SCFD2: variants seen among roughly 807,000 people sequenced by gnomAD.
The protein encoded by SCFD2 is sec1 family domain containing 2, also known as sec1 family domain-containing protein 2.
In SCFD2, 54 loss-of-function variants were observed where a neutral mutation model predicts 58.9. The ratio of observed to expected loss-of-function variants is 0.92; its 90% CI spans 0.74 to 1.15. SCFD2 has a LOEUF of 1.15. Ranked by LOEUF, SCFD2 falls within the 50% of genes most tolerant of loss-of-function variation. SCFD2 has a pLI of 0.00. For synonymous variants in SCFD2, 321 were observed against 335.9 expected (o/e 0.96, Z 0.49); for missense variants, 805 against 836.6 (o/e 0.96, Z 0.47).
At chr4:53,272,258 G>A (rs951109907) in intron 4 of SCFD2, among the ~76,000 whole-genome samples, 9 of 151,156 alleles carry the variant, frequency 6.0e-5, no homozygotes, top group African/African-American at 2.0e-4. Flanking sequence ...TGTTGGCACT[G>A]TAAACTAGTG....
chr4:53,338,654 C>T lies in SCFD2; in HGVS notation c.1007+13944G>A, dbSNP rs1326593623. ...GGAGTGCAGTGGCGGGATCTCGGCTCACTGCAAGCTCCGCCTCCCGGGTTC... is the reference window on the plus strand; with the variant it reads ...GGAGTGCAGTGGCGGGATCTCGGCTTACTGCAAGCTCCGCCTCCCGGGTTC... On this transcript the variant is annotated intron_variant, in intron 2 of 8. Transcript: ENST00000401642. Among the ~76,000 whole-genome samples the T allele has an allele frequency of 1.7e-3, 218 of 126,398 alleles. 3 individuals are homozygous for T. Among genetic ancestry groups the T allele is most frequent in the South Asian group, 9.3e-3 (35 of 3,750 alleles). 82.9% of individuals were successfully genotyped at this position (126,398 alleles called of 152,430 possible). A position where few individuals can be genotyped will look rare whatever the true frequency, so the allele number is the denominator to read the frequency against.
intron 4 of SCFD2, among the ~76,000 whole-genome samples, chr4:53,216,298 C>T (rs1433564986): frequency 2.0e-5 from 3 of 152,126 alleles, no homozygotes; most frequent in Non-Finnish European, 2.9e-5. Flanking sequence ...GGTTCATACG[C>T]TATTAATTAT....
chr4:52,927,235 T>A (rs2109492670), intron 5 of SCFD2, among the ~76,000 whole-genome samples: 1 of 152,340 alleles, frequency 6.6e-6, no homozygotes, highest in Admixed American at 6.5e-5. Flanking sequence ...TACATATTCA[T>A]ATATGTAATC....
chr4:53,228,236 A>T (rs1490243327), intron 4 of SCFD2, among the ~76,000 whole-genome samples: 1 of 152,176 alleles, frequency 6.6e-6, no homozygotes, highest in Non-Finnish European at 1.5e-5. Flanking sequence ...CAGTACAAAC[A>T]TCTTGTAAAG....
intron 5 of SCFD2, among the ~76,000 whole-genome samples, chr4:53,048,135 G>A (rs1723089316): frequency 6.6e-6 from 1 of 152,302 alleles, no homozygotes; most frequent in South Asian, 2.1e-4. Flanking sequence ...TGGGTCACCT[G>A]AGGTCAGGAG....
intron 4 of SCFD2, among the ~76,000 whole-genome samples, chr4:53,250,060 C>G (rs540467719): frequency 1.1e-4 from 16 of 152,244 alleles, no homozygotes; most frequent in African/African-American, 3.6e-4. Flanking sequence ...AAACCCATCT[C>G]ACATGCAGAG....
chr4:53,053,799 A>G (rs1358449007), intron 5 of SCFD2, among the ~76,000 whole-genome samples: 1 of 152,160 alleles, frequency 6.6e-6, no homozygotes, highest in Non-Finnish European at 1.5e-5. Flanking sequence ...TTTCTTTTTA[A>G]AAAATTTTAA....
intron 5 of SCFD2, among the ~76,000 whole-genome samples, chr4:53,139,633 G>C (rs1280219437): frequency 7.0e-6 from 1 of 142,500 alleles, no homozygotes; most frequent in Non-Finnish European, 1.5e-5. Flanking sequence ...GGAGGTGGGG[G>C]GCGCCTCTGC....
chr4:52,981,752 C>A (rs1721379138), intron 5 of SCFD2, among the ~76,000 whole-genome samples: 1 of 152,044 alleles, frequency 6.6e-6, no homozygotes, highest in East Asian at 1.9e-4. Context: ...ACGGTCAGGG[C>A]TTAGAGAGCC....
intron 5 of SCFD2, among the ~76,000 whole-genome samples, chr4:52,981,549 C>G (rs1294941452): frequency 1.3e-5 from 2 of 152,048 alleles, no homozygotes; most frequent in Non-Finnish European, 2.9e-5. Context: ...AAGAGAACTG[C>G]TATTTTTTTT....
At chr4:52,923,477 C>CAAATAAATAAATAAATAAAT (rs57571099) in intron 5 of SCFD2, among the ~76,000 whole-genome samples, 57 of 134,430 alleles carry the variant, frequency 4.2e-4, no homozygotes, top group East Asian at 2.7e-3. Flanking sequence ...GACTGCATCT[C>CAAATAAATAAATAAATAAAT]AAATAAATAA....
chr4:53,286,718 A>T (rs1190696311), intron 3 of SCFD2, among the ~76,000 whole-genome samples: 1 of 152,150 alleles, frequency 6.6e-6, no homozygotes, highest in Non-Finnish European at 1.5e-5. Context: ...GACTCCCTGG[A>T]TGCAGACAAG....
intron 4 of SCFD2, among the ~76,000 whole-genome samples, chr4:53,198,470 A>T (rs1728125910): frequency 1.3e-5 from 2 of 152,126 alleles, no homozygotes; most frequent in Non-Finnish European, 2.9e-5. Context: ...AGATCCTAAG[A>T]ATACTAAAAC....
intron 5 of SCFD2, among the ~76,000 whole-genome samples, chr4:53,019,952 G>A (rs1224899307): frequency 5.3e-5 from 8 of 152,090 alleles, no homozygotes; most frequent in Non-Finnish European, 8.8e-5. Flanking sequence ...AATTACAAGC[G>A]TCTGGTGAGT....
At chr4:53,224,084 C>A (rs1336877677) in intron 4 of SCFD2, among the ~76,000 whole-genome samples, 1 of 152,060 alleles carries the variant, frequency 6.6e-6, no homozygotes, top group African/African-American at 2.4e-5. Flanking sequence ...ACTTTCAAGG[C>A]TAGGTGATAA....
At chr4:53,295,860 T>A (rs373681620) in intron 3 of SCFD2, among the ~76,000 whole-genome samples, 2 of 152,246 alleles carry the variant, frequency 1.3e-5, no homozygotes, top group East Asian at 3.8e-4. Context: ...CTGTTGAATT[T>A]TGTCAAAGGT....
chr4:53,305,931 T>G (rs1487160163), intron 3 of SCFD2, among the ~76,000 whole-genome samples: 1 of 152,216 alleles, frequency 6.6e-6, no homozygotes, highest in Non-Finnish European at 1.5e-5. Context: ...AAATACCAAC[T>G]GACACTGTTA....
intron 5 of SCFD2, among the ~76,000 whole-genome samples, chr4:52,927,734 T>C (rs146690740): frequency 6.6e-6 from 1 of 151,980 alleles, no homozygotes; most frequent in Non-Finnish European, 1.5e-5. Flanking sequence ...GAAGAGCAGG[T>C]GTGCACAGGA....
chr4:53,236,451 G>GATATATATATATATATATATATAT (rs146595901), intron 4 of SCFD2, among the ~76,000 whole-genome samples: 1 of 144,626 alleles, frequency 6.9e-6, no homozygotes, highest in African/African-American at 2.5e-5. Flanking sequence ...CATATATAAG[G>GATATATATATATATATATATATAT]ATATATATAT....
Sources: allele counts gnomAD v4.1 joint callset (sites outside exome capture counted in the v4.1 genomes callset), GRCh38; gene constraint gnomAD v4.1.1; transcripts MANE v1.5; gene names NCBI Gene and HGNC (gene_info 2026-07-23, HGNC 2026-07-21).